Variants in UBN1 observed in about 807,000 individuals in gnomAD.
The protein encoded by UBN1 is ubinuclein-1.
A neutral mutation model predicts 108.5 loss-of-function variants in UBN1; 17 were observed. That is an observed-to-expected ratio of 0.16 (90% confidence interval 0.11 to 0.24). The LOEUF (loss-of-function observed/expected upper bound fraction) is 0.24, where lower values mean the gene tolerates loss of function less well. Among genes scored for constraint, UBN1 ranks in the 10% least tolerant of loss-of-function variants. The pLI, the probability that UBN1 is intolerant of heterozygous loss-of-function variation, is 1.00. For missense variants in UBN1, 1,595 were observed against 1,394.4 expected (o/e 1.14, Z -2.29); for synonymous variants, 726 against 564.2 (o/e 1.29, Z -4.07).
At chr16:4,876,591 G>A (rs543647640) in intron 15 of UBN1, among the ~76,000 whole-genome samples, 2 of 151,686 alleles carry the variant, frequency 1.3e-5, no homozygotes, top group Middle Eastern at 3.4e-3. Flanking sequence ...GCAGTAGCGC[G>A]ATCACAGCTC....
Position 4,877,552 on chromosome 16 carries a change from A to G in UBN1, c.3355+78A>G, listed in dbSNP as rs2087943930. On this transcript the variant is annotated intron_variant, in intron 17 of 17. Coordinates refer to ENST00000262376, the MANE Select transcript of UBN1 (RefSeq NM_001079514.3). The surrounding 1 kb of genome is among the most constrained non-coding windows in gnomAD (Gnocchi z 4.3). Reference sequence around the variant, plus strand: ...CACCCCTAGGTGCTTTGCCGCTGCCAAGGGTCTTGGTGTCTTTGCCTTGAC... The same window carrying G: ...CACCCCTAGGTGCTTTGCCGCTGCCGAGGGTCTTGGTGTCTTTGCCTTGAC... 1.9e-5 allele frequency: 29 copies of G among 1,495,014 alleles called. No homozygotes were observed. The highest frequency in any genetic ancestry group is 2.0e-5 in the Non-Finnish European group (22 of 1,125,646). 92.6% of individuals were successfully genotyped at this position (1,495,014 alleles called of 1,614,324 possible). A position where few individuals can be genotyped will look rare whatever the true frequency, so the allele number is the denominator to read the frequency against.
chr16:4,874,706 C>G lies in UBN1; in HGVS notation c.2296C>G (p.Gln766Glu). Residue 766 changes from glutamine (Q) to glutamate (E), a missense_variant, in exon 15 of 18, where the codon CAG (glutamine) becomes GAG (glutamate). By Grantham distance (29) the Gln-to-Glu change is conservative. Coordinates refer to ENST00000262376, the MANE Select transcript of UBN1 (RefSeq NM_001079514.3). ...TTCTGGCTACAAAGAGCTGTCCTGC[C>G]AGGCTCCCCTCAATAAGGGCCTGCC... is the stretch of plus-strand genomic sequence containing the variant. ...ESSGYKELSC[Q>E]APLNKGLPEV... The G allele has an allele frequency of 6.2e-7, 1 of 1,614,144 alleles. No homozygotes were observed. Among genetic ancestry groups the G allele is most frequent in the South Asian group, 1.1e-5 (1 of 91,076 alleles).
chr16:4,871,055 G>C, intron 11 of UBN1, 83 bp downstream of exon 11: 1 of 1,603,140 alleles, frequency 6.2e-7, no homozygotes, highest in Non-Finnish European at 8.5e-7. Context: ...ACAAAGGTTA[G>C]GCTCATTTAC....
In UBN1 at chr16:4,870,614, C is replaced by T; in HGVS notation, c.1410C>T (p.His470=). Residue 470 remains histidine (H), a synonymous_variant, in exon 10 of 18, where the codon CAC becomes CAT. Coordinates refer to ENST00000262376, the MANE Select transcript of UBN1 (RefSeq NM_001079514.3). ...MAKYQDECQA[H]TQAKVAKMLE... The stretch of plus-strand genomic sequence containing the variant: ...AGTACCAGGACGAATGCCAGGCACA[C>T]ACGCAGGCAAAGGTTGCCAAGTAAG... 1.9e-6 allele frequency: 3 copies of T among 1,614,182 alleles called. No individual in the cohort carries two copies. The highest frequency in any genetic ancestry group is 2.2e-5 in the South Asian group (2 of 91,092).
In UBN1 at chr16:4,875,119, C is replaced by G. The variant is rs769048250; in HGVS notation, c.2709C>G (p.Pro903=). The part of the protein sequence containing the change: ...SSAGSSYKNN[P]FASSISKHGV... The stretch of plus-strand genomic sequence containing the variant: ...CAGGCTCATCTTACAAGAATAATCC[C>G]TTTGCCAGCTCAATCTCCAAACATG... The change falls in exon 15 of 18, where the codon CCC becomes CCG. Residue 903 remains proline (P), a synonymous_variant. Transcript: ENST00000262376. 6 of 1,614,110 alleles carry G rather than the reference C, an allele frequency of 3.7e-6. No homozygotes were observed. In the African/African-American group the frequency reaches 8.0e-5, roughly 22 times the overall value.
chr16:4,851,808 C>T (rs1312976041), intron 1 of UBN1, among the ~76,000 whole-genome samples: 2 of 151,758 alleles, frequency 1.3e-5, no homozygotes, highest in Non-Finnish European at 2.9e-5. Context: ...GATATAACAG[C>T]GAGACCCTAG....
intron 2 of UBN1, 72 bp downstream of exon 2, chr16:4,853,238 G>A (rs183556146): frequency 5.1e-5 from 79 of 1,552,508 alleles, no homozygotes; most frequent in African/African-American, 2.7e-5. Context: ...TGGGGCTTCC[G>A]TAGCGGGGAA....
At position 4,877,861 on chromosome 16, in the gene UBN1, G is replaced by A. The variant is rs2087961316; in HGVS notation, c.3355+387G>A. On this transcript the variant is annotated intron_variant, in intron 17 of 17. Coordinates refer to ENST00000262376, the MANE Select transcript of UBN1 (RefSeq NM_001079514.3). The surrounding 1 kb of genome is among the most constrained non-coding windows in gnomAD (Gnocchi z 4.3). The stretch of plus-strand genomic sequence containing the variant: ...TCCAAGGGCTAATTGGGTACAACAA[G>A]GTCTTGGAATGCAAGCTGCTCCACT... The A allele has an allele frequency of 1.0e-6, 1 of 994,932 alleles. No individual in the cohort carries two copies. The highest frequency in any genetic ancestry group is 1.2e-6 in the Non-Finnish European group (1 of 835,746). 61.6% of individuals were successfully genotyped at this position (994,932 alleles called of 1,614,324 possible). A position where few individuals can be genotyped will look rare whatever the true frequency, so the allele number is the denominator to read the frequency against.
chr16:4,862,015 A>C (rs536094383), intron 7 of UBN1, among the ~76,000 whole-genome samples: 5 of 152,364 alleles, frequency 3.3e-5, no homozygotes, highest in Admixed American at 3.3e-4. Context: ...ATTGGGAATT[A>C]AGCACTGAGA....
At chr16:4,857,581 C>T (rs866005232) in intron 2 of UBN1, among the ~76,000 whole-genome samples, 1 of 151,722 alleles carries the variant, frequency 6.6e-6, no homozygotes. Context: ...GGGATTTTCA[C>T]GTTTTTGAGC....
intron 7 of UBN1, among the ~76,000 whole-genome samples, chr16:4,868,544 T>C (rs1178302707): frequency 6.6e-6 from 1 of 152,254 alleles, no homozygotes; most frequent in East Asian, 1.9e-4. Flanking sequence ...GTTGGCCTTA[T>C]TGGCCTCTGG....
Position 4,847,667 on chromosome 16 carries a change from GC to G in UBN1, c.-579del. 5.0e-6 allele frequency: 1 copy of G among 201,194 alleles called. No homozygotes were observed. Among genetic ancestry groups the G allele is most frequent in the East Asian group, 1.6e-4 (1 of 6,188 alleles). The allele number at this position is 201,194 out of a possible 1,614,324, so 12.5% of individuals were successfully genotyped here. ...CGTTACGCCCGTTGGTCCGGCGCGG[GC>G]CCCGGGGCCATTCCCGAGCCCGAGG... is the stretch of plus-strand genomic sequence containing the variant. On this transcript the variant is annotated 5_prime_UTR_variant, in exon 1 of 18. Coordinates refer to ENST00000262376, the MANE Select transcript of UBN1 (RefSeq NM_001079514.3).
In UBN1 at chr16:4,859,093, G is replaced by A; in HGVS notation, c.501G>A (p.Leu167=). 6.2e-7 allele frequency: 1 copy of A among 1,614,204 alleles called. No individual in the cohort carries two copies. The highest frequency in any genetic ancestry group is 8.5e-7 in the Non-Finnish European group (1 of 1,180,048). ...YGGFYINSGT[L]QFRQASESED... ...GATTTTACATTAACTCGGGAACCCTGCAGTTTAGACAAGCATCAGAGTCTG... is the reference window on the plus strand; with the variant it reads ...GATTTTACATTAACTCGGGAACCCTACAGTTTAGACAAGCATCAGAGTCTG... Residue 167 remains leucine, a synonymous_variant, in exon 5 of 18, where the codon CTG becomes CTA. Transcript: ENST00000262376.
chr16:4,857,291 C>T (rs1327526298), intron 2 of UBN1, among the ~76,000 whole-genome samples: 1 of 147,620 alleles, frequency 6.8e-6, no homozygotes, highest in African/African-American at 2.5e-5. Context: ...GTTGAGGCTA[C>T]AGTGAGTCAT....
intron 3 of UBN1, 71 bp downstream of exon 3, chr16:4,858,147 G>C: frequency 1.0e-6 from 1 of 998,154 alleles, no homozygotes; most frequent in South Asian, 1.3e-5. Context: ...TATTCCTTTA[G>C]TGGATCATCA....
chr16:4,869,236 C>G (rs2087487256), intron 8 of UBN1, among the ~76,000 whole-genome samples: 1 of 152,120 alleles, frequency 6.6e-6, no homozygotes, highest in Non-Finnish European at 1.5e-5. Flanking sequence ...CTGACTGTCT[C>G]TGAGAATCCT....
Position 4,877,810 on chromosome 16 carries a change from AAAAG to A in UBN1, c.3355+337_3355+340del. The A allele has an allele frequency of 1.9e-6, 2 of 1,048,052 alleles. No homozygotes were observed. The highest frequency in any genetic ancestry group is 2.3e-6 in the Non-Finnish European group (2 of 871,682). 64.9% of individuals were successfully genotyped at this position (1,048,052 alleles called of 1,614,324 possible). A position where few individuals can be genotyped will look rare whatever the true frequency, so the allele number is the denominator to read the frequency against. On this transcript the variant is annotated intron_variant, in intron 17 of 17. Coordinates refer to ENST00000262376, the MANE Select transcript of UBN1 (RefSeq NM_001079514.3). This position sits in a 1 kb window ranked among gnomAD's most constrained non-coding sequence, Gnocchi z 4.3. The stretch of plus-strand genomic sequence containing the variant: ...TTTCTCTTCAGTTTAAAAAAAAAAA[AAAAG>A]GGAAGGTAATGGTGCATCTTCTCCA...
At position 4,877,522 on chromosome 16, in the gene UBN1, C is replaced by G. The variant is rs376901829; in HGVS notation, c.3355+48C>G. 8 of 1,548,802 alleles carry G rather than the reference C, an allele frequency of 5.2e-6. No individual in the cohort carries two copies. In the African/African-American group the frequency reaches 8.2e-5, roughly 16 times the overall value. ...GCCACGCGCACCGTGTGCCTTTGCCCTCTCCACCCCTAGGTGCTTTGCCGC... is the reference window on the plus strand; with the variant it reads ...GCCACGCGCACCGTGTGCCTTTGCCGTCTCCACCCCTAGGTGCTTTGCCGC... On this transcript the variant is annotated intron_variant, in intron 17 of 17. Transcript: ENST00000262376. The surrounding 1 kb of genome is among the most constrained non-coding windows in gnomAD (Gnocchi z 4.3).
chr16:4,853,698 A>T (rs1432282388), intron 2 of UBN1, among the ~76,000 whole-genome samples: 1 of 151,292 alleles, frequency 6.6e-6, no homozygotes, highest in Non-Finnish European at 1.5e-5. Flanking sequence ...CCTGGGACTG[A>T]CTACAGGTGC....
Sources: gnomAD v4.1 joint callset for allele counts (sites outside exome capture counted in the v4.1 genomes callset) on GRCh38, gnomAD v4.1.1 for gene constraint, Gnocchi (gnomAD v3.1) non-coding constraint, MANE v1.5 for transcripts, NCBI Gene and HGNC (gene_info 2026-07-23, HGNC 2026-07-21) for gene names.